Variants in ANO1 observed in about 807,000 individuals in gnomAD.
ANO1 encodes anoctamin-1.
Under a neutral mutation model 124.0 loss-of-function variants are expected in ANO1, and 59 were observed. The ratio of observed to expected loss-of-function variants is 0.48; its 90% confidence interval spans 0.39 to 0.59. ANO1 has a LOEUF of 0.59. Ranked by LOEUF, ANO1 falls within the 20% of genes least tolerant of loss-of-function variation. ANO1 has a pLI of 0.00. For missense variants in ANO1, 1,059 were observed against 1,328.0 expected, an observed-to-expected ratio of 0.80 and a Z score of 3.15; for synonymous variants, 529 against 532.0, an observed-to-expected ratio of 0.99 and a Z score of 0.08.
chr11:69,983,803 G>A (rs563486564), upstream of ANO1, among the ~76,000 whole-genome samples: 33 of 152,296 alleles, frequency 2.2e-4, no homozygotes. Flanking sequence ...GGTTTCATCC[G>A]AACGCAACTT....
At chr11:70,040,136 A>G (rs1438724244) in intron 1 of ANO1, among the ~76,000 whole-genome samples, 1 of 152,174 alleles carries the variant, frequency 6.6e-6, no homozygotes, top group Non-Finnish European at 1.5e-5. Context: ...ATAATCTGGC[A>G]GCGGATACCA....
the ANO1 span, among the ~76,000 whole-genome samples, chr11:69,970,141 A>G: frequency 6.6e-6 from 1 of 152,138 alleles, no homozygotes; most frequent in African/African-American, 2.4e-5. Flanking sequence ...ATGCAGACAA[A>G]CAGGAAGAGA....
chr11:70,073,885 G>A (rs371265425), upstream of ANO1, among the ~76,000 whole-genome samples: 8 of 128,292 alleles, frequency 6.2e-5, no homozygotes, highest in Admixed American at 1.0e-4. Flanking sequence ...CTTTGGCTGC[G>A]TTTCTGAGCT....
At chr11:70,060,102 C>T (rs985984066) in intron 1 of ANO1, among the ~76,000 whole-genome samples, 1 of 151,982 alleles carries the variant, frequency 6.6e-6, no homozygotes, top group Non-Finnish European at 1.5e-5. Flanking sequence ...ATTAGGGAGG[C>T]ATTGACAATG....
intron 16 of ANO1, among the ~76,000 whole-genome samples, chr11:70,158,945 G>T (rs549464117): frequency 6.6e-6 from 1 of 152,134 alleles, no homozygotes; most frequent in African/African-American, 2.4e-5. Flanking sequence ...CAGGTGCCAG[G>T]CTAGGGGGTT....
chr11:70,023,389 CT>C (rs1444785736), intron 1 of ANO1, among the ~76,000 whole-genome samples: 1 of 152,210 alleles, frequency 6.6e-6, no homozygotes, highest in African/African-American at 2.4e-5. Flanking sequence ...TAAACCATGT[CT>C]AGTGGATTTG....
At chr11:70,164,087 G>A (rs1190129298) in intron 19 of ANO1, among the ~76,000 whole-genome samples, 1 of 152,136 alleles carries the variant, frequency 6.6e-6, no homozygotes, top group Admixed American at 6.5e-5. Flanking sequence ...GCCATAGAAG[G>A]TCTGGTTGTG....
chr11:70,059,660 T>A (rs904657085), intron 1 of ANO1, among the ~76,000 whole-genome samples: 1 of 151,822 alleles, frequency 6.6e-6, no homozygotes, highest in Admixed American at 6.6e-5. Context: ...AGGCAGAACA[T>A]TGAGAGGTGA....
chr11:70,156,092 A>G (rs1228765697), intron 15 of ANO1, 104 bp downstream of exon 15: 2 of 1,144,580 alleles, frequency 1.7e-6, no homozygotes, highest in East Asian at 6.4e-5. Context: ...TTTTTTTAAC[A>G]TTCACATCCG....
At position 70,131,853 on chromosome 11, in the gene ANO1, C is replaced by G. The variant is rs57107171; in HGVS notation, c.1098-66C>G. The G allele has an allele frequency of 1.7e-3, 2,582 of 1,532,804 alleles. 28 individuals carry two copies. Among genetic ancestry groups the G allele is most frequent in the East Asian group, 0.013 (558 of 42,388 alleles). The allele number at this position is 1,532,804 out of a possible 1,614,324, so 95.0% of individuals were successfully genotyped here. A position where few individuals can be genotyped will look rare whatever the true frequency, so the allele number is the denominator to read the frequency against. On this transcript the variant is annotated intron_variant, in intron 10 of 25. Coordinates refer to ENST00000355303, the MANE Select transcript of ANO1 (RefSeq NM_018043.7). ...CCCAGCGCTTTCTCCCAGGCCAGCT[C>G]GGCACCCAGGAGGTGCTCCATCATG...
At chr11:70,139,480 C>T (rs574571886) in intron 11 of ANO1, among the ~76,000 whole-genome samples, 112 of 152,264 alleles carry the variant, frequency 7.4e-4, no homozygotes, top group Non-Finnish European at 9.0e-4. Context: ...CCCGCCACCA[C>T]GCCCAGCTAA....
chr11:70,048,720 C>G (rs1484510419), intron 1 of ANO1, among the ~76,000 whole-genome samples: 11 of 150,830 alleles, frequency 7.3e-5, no homozygotes, highest in African/African-American at 2.7e-4. Context: ...TGACCACCCC[C>G]CAGCCCTGGT....
At chr11:70,177,115 G>A (rs10898830) in intron 22 of ANO1, among the ~76,000 whole-genome samples, 28,323 of 152,148 alleles carry the variant, frequency 0.19, 3,047 homozygotes, top group African/African-American at 0.29. Flanking sequence ...TCTCTGGGCC[G>A]GTTGGGCGAT....
At chr11:69,970,497 G>A in the ANO1 span, among the ~76,000 whole-genome samples, 3,064 of 152,298 alleles carry the variant, frequency 0.02, 112 homozygotes, top group African/African-American at 0.071. Context: ...GCGGGAGGCA[G>A]GGGCTGTTTG....
chr11:70,008,875 A>C (rs1449241828), intron 1 of ANO1, among the ~76,000 whole-genome samples: 1 of 152,100 alleles, frequency 6.6e-6, no homozygotes, highest in Non-Finnish European at 1.5e-5. Flanking sequence ...GGACCTTCAC[A>C]GACACTCCAG....
chr11:70,001,935 G>T (rs1301218983), intron 1 of ANO1, among the ~76,000 whole-genome samples: 1 of 151,970 alleles, frequency 6.6e-6, no homozygotes, highest in Non-Finnish European at 1.5e-5. Flanking sequence ...CAGTAGCTCG[G>T]ATTACAGGTG....
At chr11:70,104,959 C>T (rs2045446798) in intron 4 of ANO1, among the ~76,000 whole-genome samples, 1 of 152,142 alleles carries the variant, frequency 6.6e-6, no homozygotes, top group African/African-American at 2.4e-5. Context: ...GTCCTGATTC[C>T]TAGAGCGGAC....
chr11:69,981,077 TA>T (rs1554996179), upstream of ANO1, among the ~76,000 whole-genome samples: 2 of 151,934 alleles, frequency 1.3e-5, no homozygotes, highest in African/African-American at 4.8e-5. Flanking sequence ...CAAAAATAAA[TA>T]AAGAGTGACC....
At chr11:70,059,204 A>G (rs1459287591) in intron 1 of ANO1, among the ~76,000 whole-genome samples, 2 of 151,632 alleles carry the variant, frequency 1.3e-5, no homozygotes, top group African/African-American at 4.8e-5. Flanking sequence ...AAAAAAAACT[A>G]GCCAGGTGTG....
Sources: gnomAD v4.1 joint callset for allele counts (sites outside exome capture counted in the v4.1 genomes callset) on GRCh38, gnomAD v4.1.1 for gene constraint, MANE v1.5 for transcripts, NCBI Gene and HGNC (gene_info 2026-07-23, HGNC 2026-07-21) for gene names.